The following CFAP157 variants were observed in gnomAD, a reference collection of about 807,000 sequenced individuals.
CFAP157 encodes the protein cilia and flagella associated protein 157, also known as cilia- and flagella-associated protein 157.
In CFAP157, 43 loss-of-function variants were observed where a neutral mutation model predicts 57.8. The ratio of observed to expected loss-of-function variants is 0.74; its 90% confidence interval spans 0.58 to 0.96. CFAP157 has a LOEUF of 0.96. Among genes scored for constraint, CFAP157 ranks in the 40% least tolerant of loss-of-function variants. The probability of loss-of-function intolerance (pLI) is 0.00; values close to 1 mark genes in which losing one functional copy is unlikely to be tolerated. For synonymous variants in CFAP157, 267 were observed against 269.0 expected (o/e 0.99, Z 0.07); for missense variants, 606 against 655.3 (o/e 0.92, Z 0.82).
Position 127,709,619 on chromosome 9 carries a change from AGGCGCAGCT to A in CFAP157, c.363_371del (p.Leu123_Gln125del), listed in dbSNP as rs1842718287. The A allele has an allele frequency of 6.2e-7, 1 of 1,613,806 alleles. No individual in the cohort carries two copies. The highest frequency in any genetic ancestry group is 1.7e-5 in the Admixed American group (1 of 59,998). ...AAAGAGATGGAGAAGGATGCCTTCGAGGCGCAGCTGGCCCAGGTGCGCCACGAGTTCCAG... is the reference window on the plus strand; with the variant it reads ...AAAGAGATGGAGAAGGATGCCTTCGAGGCCCAGGTGCGCCACGAGTTCCAG... On this transcript the variant is annotated inframe_deletion, in exon 2 of 9. Coordinates refer to ENST00000373295, the MANE Select transcript of CFAP157 (RefSeq NM_001012502.3). The surrounding 1 kb of genome is among the most constrained non-coding windows in gnomAD (Gnocchi z 4.7).
At chr9:127,712,444 G>A in intron 6 of CFAP157, 95 bp downstream of exon 6, 1 of 1,519,864 alleles carries the variant, frequency 6.6e-7, no homozygotes. Flanking sequence ...AGGATCAGAG[G>A]CCCCTCTTTT....
Position 127,712,756 on chromosome 9 carries a change from A to G in CFAP157, c.1185A>G (p.Pro395=), listed in dbSNP as rs1842797354. The part of the protein sequence containing the change: ...EDSDVDVTFQ[P]WHKEMLQQLL... ...GTGACGTTGACGTGACGTTCCAGCC[A>G]TGGCACAAGGAGATGCTGCAGCAAC... is the stretch of plus-strand genomic sequence containing the variant. Residue 395 remains proline, a synonymous_variant, in exon 7 of 9, where the codon CCA becomes CCG. Transcript: ENST00000373295. 2 of 1,614,202 alleles carry G rather than the reference A, an allele frequency of 1.2e-6. No individual in the cohort carries two copies. The highest frequency in any genetic ancestry group is 8.5e-7 in the Non-Finnish European group (1 of 1,180,016).
intron 5 of CFAP157, 50 bp downstream of exon 5, chr9:127,712,000 G>C: frequency 8.3e-6 from 13 of 1,569,090 alleles, no homozygotes; most frequent in Non-Finnish European, 1.0e-5. Context: ...CTGGGGCCAA[G>C]CTCTGGCCCA....
At position 127,712,824 on chromosome 9, in the gene CFAP157, A is replaced by C. The variant is rs1317442914; in HGVS notation, c.1253A>C (p.Lys418Thr). The change falls in exon 7 of 9, where the codon AAG becomes ACG. Residue 418 changes from lysine to threonine, a missense_variant. Lys to Thr is a moderately conservative substitution (Grantham distance 78). Transcript: ENST00000373295. ...TCCACTGTGGCCACGAGACCTCAGA[A>C]GGCTGCGTGTCCCCACCAGGAGTCA... The part of the protein sequence containing the change: ...LSSTVATRPQ[K>T]AACPHQESQS... 1 of 1,613,952 alleles carries C rather than the reference A, an allele frequency of 6.2e-7. No homozygotes were observed. The highest frequency in any genetic ancestry group is 1.1e-5 in the South Asian group (1 of 91,050).
chr9:127,712,857 A>G lies in CFAP157; in HGVS notation c.1286A>G (p.His429Arg). ...AACPHQESQS[H>R]GPPKESRPSI... ...TGTCCCCACCAGGAGTCACAGTCCC[A>G]TGGCCCACCCAAGGAGAGGTAAGCA... Residue 429 changes from histidine (H) to arginine (R), a missense_variant, in exon 7 of 9, where the codon CAT (histidine) becomes CGT (arginine). Coordinates refer to ENST00000373295, the MANE Select transcript of CFAP157 (RefSeq NM_001012502.3). 1.2e-6 allele frequency: 2 copies of G among 1,612,334 alleles called. No individual in the cohort carries two copies. The highest frequency in any genetic ancestry group is 1.7e-5 in the Admixed American group (1 of 59,716).
chr9:127,713,431 C>G, intron 8 of CFAP157: 1 of 483,178 alleles, frequency 2.1e-6, no homozygotes, highest in Non-Finnish European at 3.6e-6. Flanking sequence ...GTTCTTCCCT[C>G]CCCCACCAGC....
rs1421612735 is a variant in CFAP157 at position 127,707,100 on chromosome 9, G to A, written c.69G>A (p.Lys23=). 3.7e-6 allele frequency: 6 copies of A among 1,613,846 alleles called. No individual in the cohort carries two copies. In the Admixed American group the frequency reaches 5.0e-5, roughly 13 times the overall value. ...ELEVKKKGGK[K]EPVVAVEPPL... is the part of the protein sequence containing the mutation. ...AAGTCAAGAAGAAAGGGGGCAAGAA[G>A]GAGCCGGTGGTGGCCGTGGAGCCGC... is the stretch of plus-strand genomic sequence containing the variant. Residue 23 remains lysine, a synonymous_variant, in exon 1 of 9, where the codon AAG becomes AAA. Coordinates refer to ENST00000373295, the MANE Select transcript of CFAP157 (RefSeq NM_001012502.3).
chr9:127,714,937 C>CCCCA lies in CFAP157; in HGVS notation c.*1032_*1033insCCCA. On this transcript the variant is annotated 3_prime_UTR_variant, in exon 9 of 9. Coordinates refer to ENST00000373295, the MANE Select transcript of CFAP157 (RefSeq NM_001012502.3). Reference sequence around the variant, plus strand: ...GCCCCCGCGCCCCAACCCCCACCCCCTTGGCCCGCCCGCCCACCCCTGGCG... The same window carrying CCCCA: ...GCCCCCGCGCCCCAACCCCCACCCCCCCCATTGGCCCGCCCGCCCACCCCTGGCG... 1.6e-6 allele frequency: 1 copy of CCCCA among 636,922 alleles called. No individual in the cohort carries two copies. Among genetic ancestry groups the CCCCA allele is most frequent in the Non-Finnish European group, 2.7e-6 (1 of 370,910 alleles). 39.5% of individuals were successfully genotyped at this position (636,922 alleles called of 1,614,324 possible).
chr9:127,710,810 A>T, intron 3 of CFAP157, 56 bp downstream of exon 3: 1 of 1,538,776 alleles, frequency 6.5e-7, no homozygotes, highest in Non-Finnish European at 8.8e-7. Context: ...TGGGGCTACG[A>T]ACATCCTAGT....
In CFAP157 at chr9:127,711,962, C is replaced by T. The variant is rs767258962; in HGVS notation, c.986+12C>T. On this transcript the variant is annotated intron_variant, in intron 5 of 8. Coordinates refer to ENST00000373295, the MANE Select transcript of CFAP157 (RefSeq NM_001012502.3). ...AACCAGGCACTGAAGTGCGTATGGC[C>T]CACGGAGGGGCGGGCGGCGGGTGCA... is the stretch of plus-strand genomic sequence containing the variant. 3 of 1,602,730 alleles carry T rather than the reference C, an allele frequency of 1.9e-6. No individual in the cohort carries two copies. Among genetic ancestry groups the T allele is most frequent in the Non-Finnish European group, 2.6e-6 (3 of 1,176,446 alleles).
chr9:127,709,809 T>C lies in CFAP157; in HGVS notation c.433+116T>C. The C allele has an allele frequency of 2.6e-6, 3 of 1,163,650 alleles. No homozygotes were observed. Among genetic ancestry groups the C allele is most frequent in the Non-Finnish European group, 3.6e-6 (3 of 830,252 alleles). The allele number at this position is 1,163,650 out of a possible 1,614,324, so 72.1% of individuals were successfully genotyped here. The stretch of plus-strand genomic sequence containing the variant: ...CACATGCTGCTTGGCACACACTGTC[T>C]TCCTTAATTGTCCCAGCAATCCTAC... On this transcript the variant is annotated intron_variant, in intron 2 of 8. Coordinates refer to ENST00000373295, the MANE Select transcript of CFAP157 (RefSeq NM_001012502.3). This position sits in a 1 kb window ranked among gnomAD's most constrained non-coding sequence, Gnocchi z 4.7.
intron 1 of CFAP157, among the ~76,000 whole-genome samples, chr9:127,708,119 C>G (rs79213699): frequency 6.6e-6 from 1 of 152,202 alleles, no homozygotes; most frequent in African/African-American, 2.4e-5. Flanking sequence ...CCTCAGCCCC[C>G]ACCCCTGAAA....
At position 127,713,104 on chromosome 9, in the gene CFAP157, C is replaced by A; in HGVS notation, c.1389C>A (p.Gly463=). Residue 463 remains glycine (G), a synonymous_variant, in exon 8 of 9, where the codon GGC becomes GGA. Transcript: ENST00000373295. ...CCCCCTACCAGCCGGGGGATCTAGGCCTGGTACCTCGCCAGGTCCACATCC... is the reference window on the plus strand; with the variant it reads ...CCCCCTACCAGCCGGGGGATCTAGGACTGGTACCTCGCCAGGTCCACATCC... ...DITPYQPGDL[G]LVPRQVHIPP... 3 of 1,613,406 alleles carry A rather than the reference C, an allele frequency of 1.9e-6. No individual in the cohort carries two copies. The highest frequency in any genetic ancestry group is 2.5e-6 in the Non-Finnish European group (3 of 1,179,676).
chr9:127,714,157 G>T lies in CFAP157; in HGVS notation c.*252G>T, dbSNP rs144597665. 5 of 1,613,838 alleles carry T rather than the reference G, an allele frequency of 3.1e-6. No homozygotes were observed. The highest frequency in any genetic ancestry group is 1.7e-5 in the Admixed American group (1 of 60,012). On this transcript the variant is annotated 3_prime_UTR_variant, in exon 9 of 9. Transcript: ENST00000373295. ...CACGGATGTGGTCCAAGATCAGGTC[G>T]GTGGCTCGATCCAGCAACAGAGGCA... is the stretch of plus-strand genomic sequence containing the variant.
In CFAP157 at chr9:127,710,704, C is replaced by T; in HGVS notation, c.537C>T (p.Phe179=). 1 of 1,574,380 alleles carries T rather than the reference C, an allele frequency of 6.4e-7. No individual in the cohort carries two copies. Among genetic ancestry groups the T allele is most frequent in the Non-Finnish European group, 8.6e-7 (1 of 1,159,146 alleles). ...AGGTGCGGAAGCAGGAGAATGAGTTCAGGGACTATGCATACAACCTGGAGA... is the reference window on the plus strand; with the variant it reads ...AGGTGCGGAAGCAGGAGAATGAGTTTAGGGACTATGCATACAACCTGGAGA... ...EEQVRKQENE[F]RDYAYNLEKK... is the part of the protein sequence containing the mutation. The change falls in exon 3 of 9, where the codon TTC becomes TTT. Residue 179 remains phenylalanine (F), a synonymous_variant. Transcript: ENST00000373295.
rs769331564 is a variant in CFAP157 at position 127,711,944 on chromosome 9, C to A, written c.980C>A (p.Ala327Glu). ...CTGCAGCTGCAGGTGGATAACCAGG[C>A]ACTGAAGTGCGTATGGCCCACGGAG... ...RSLQLQVDNQALKSQRDQLSL... is the reference protein window; with the variant it reads ...RSLQLQVDNQELKSQRDQLSL... The change falls in exon 5 of 9, where the codon GCA (alanine) becomes GAA (glutamate). Residue 327 changes from alanine to glutamate, a missense_variant. Coordinates refer to ENST00000373295, the MANE Select transcript of CFAP157 (RefSeq NM_001012502.3). The A allele has an allele frequency of 1.9e-6, 3 of 1,605,694 alleles. No individual in the cohort carries two copies. In the South Asian group the frequency reaches 3.4e-5, roughly 18 times the overall value.
chr9:127,709,718 C>A lies in CFAP157; in HGVS notation c.433+25C>A. ...GGTGAGGAGGGGACTGGCTGGTGAG[C>A]CTGCAGGCACACATCCCAGCTCTAT... On this transcript the variant is annotated intron_variant, in intron 2 of 8. Coordinates refer to ENST00000373295, the MANE Select transcript of CFAP157 (RefSeq NM_001012502.3). This position sits in a 1 kb window ranked among gnomAD's most constrained non-coding sequence, Gnocchi z 4.7. 1 of 1,604,060 alleles carries A rather than the reference C, an allele frequency of 6.2e-7. No homozygotes were observed. Among genetic ancestry groups the A allele is most frequent in the Non-Finnish European group, 8.5e-7 (1 of 1,174,176 alleles).
Position 127,713,141 on chromosome 9 carries a change from C to G in CFAP157, c.1426C>G (p.Gln476Glu). ...PRQVHIPPNPQDLRLLSYITR... is the reference protein window; with the variant it reads ...PRQVHIPPNPEDLRLLSYITR... ...CCAGGTCCACATCCCACCCAACCCC[C>G]AGGACCTCAGGCTGCTGTCATATAT... Residue 476 changes from glutamine to glutamate, a missense_variant, in exon 8 of 9, where the codon CAG (glutamine) becomes GAG (glutamate). Gln to Glu is a conservative substitution (Grantham distance 29, BLOSUM62 2). Coordinates refer to ENST00000373295, the MANE Select transcript of CFAP157 (RefSeq NM_001012502.3). The G allele has an allele frequency of 6.2e-7, 1 of 1,609,562 alleles. No homozygotes were observed. The highest frequency in any genetic ancestry group is 8.5e-7 in the Non-Finnish European group (1 of 1,177,462).
chr9:127,715,105 C>A lies in CFAP157; in HGVS notation c.*1200C>A. 2 of 1,533,792 alleles carry A rather than the reference C, an allele frequency of 1.3e-6. No homozygotes were observed. Among genetic ancestry groups the A allele is most frequent in the East Asian group, 4.9e-5 (2 of 40,884 alleles). On this transcript the variant is annotated 3_prime_UTR_variant, in exon 9 of 9. Transcript: ENST00000373295. This position sits in a 1 kb window ranked among gnomAD's most constrained non-coding sequence, Gnocchi z 5.8. ...GCCGGTCGCGCGTCCAACTCTCCGC[C>A]ACACCCAGCCGCCGCGCCAGCTGCC...
Sources: allele counts gnomAD v4.1 joint callset (sites outside exome capture counted in the v4.1 genomes callset), GRCh38; gene constraint gnomAD v4.1.1; non-coding constraint Gnocchi (gnomAD v3.1); transcripts MANE v1.5; gene names NCBI Gene and HGNC (gene_info 2026-07-23, HGNC 2026-07-21).